The following KAT14 variants were observed in gnomAD, a reference collection of about 807,000 sequenced individuals.
KAT14 encodes the protein lysine acetyltransferase 14, also known as cysteine-rich protein 2-binding protein.
A neutral mutation model predicts 78.4 loss-of-function variants in KAT14; 66 were observed. That is an observed-to-expected ratio of 0.84 (90% CI 0.69 to 1.03). KAT14 has a LOEUF of 1.03. KAT14 is among the 50% of genes least tolerant of loss of function. KAT14 has a pLI of 0.00. For synonymous variants in KAT14, 344 were observed against 359.4 expected, an observed-to-expected ratio of 0.96 and a Z score of 0.48; for missense variants, 870 against 972.5, an observed-to-expected ratio of 0.89 and a Z score of 1.40.
At chr20:18,148,064 C>A (rs1236417162) in intron 3 of KAT14, among the ~76,000 whole-genome samples, 2 of 152,216 alleles carry the variant, frequency 1.3e-5, no homozygotes, top group African/African-American at 2.4e-5. Context: ...CCATCTCTCA[C>A]TGAAGACCTG....
Position 18,162,985 on chromosome 20 carries a change from A to C in KAT14, c.1668+40A>C, listed in dbSNP as rs1240784685. The C allele has an allele frequency of 3.1e-6, 5 of 1,595,154 alleles. No individual in the cohort carries two copies. In the African/African-American group the frequency reaches 6.7e-5, roughly 21 times the overall value. On this transcript the variant is annotated intron_variant, in intron 7 of 10. Transcript: ENST00000688188. ...TTGCTGTAAAGCCCTTGGGGGCAGG[A>C]GTGGAGGTGGGGCAGGCAGCACTAG...
At position 18,187,708 on chromosome 20, in the gene KAT14, A is replaced by G. The variant is rs1473133465; in HGVS notation, c.*249A>G. 5 of 502,664 alleles carry G rather than the reference A, an allele frequency of 9.9e-6. No homozygotes were observed. Among genetic ancestry groups the G allele is most frequent in the Admixed American group, 4.2e-5 (1 of 23,804 alleles). The allele number at this position is 502,664 out of a possible 1,614,324, so 31.1% of individuals were successfully genotyped here. On this transcript the variant is annotated 3_prime_UTR_variant, in exon 11 of 11. Coordinates refer to ENST00000688188, the MANE Select transcript of KAT14 (RefSeq NM_001392073.1). ...TCCCAGACTCCACAGTTATTTATGA[A>G]TGATGTCGTGATTCTCCCTCCACCT...
In KAT14 at chr20:18,187,379, G is replaced by A; in HGVS notation, c.2266G>A (p.Val756Ile). 1 of 1,614,212 alleles carries A rather than the reference G, an allele frequency of 6.2e-7. No homozygotes were observed. Among genetic ancestry groups the A allele is most frequent in the Non-Finnish European group, 8.5e-7 (1 of 1,180,042 alleles). ...QKFGFKTEEY[V>I]LDFYDKYYPL... Reference sequence around the variant, plus strand: ...GTTTGGATTCAAGACTGAAGAATATGTATTAGATTTCTATGATAAATATTA... The same window carrying A: ...GTTTGGATTCAAGACTGAAGAATATATATTAGATTTCTATGATAAATATTA... The change falls in exon 11 of 11, where the codon GTA becomes ATA. Residue 756 changes from valine to isoleucine, a missense_variant. Val to Ile is a conservative substitution (Grantham distance 29). Transcript: ENST00000688188.
chr20:18,174,788 G>A (rs1378870151), intron 7 of KAT14, among the ~76,000 whole-genome samples: 2 of 150,952 alleles, frequency 1.3e-5, no homozygotes, highest in African/African-American at 4.9e-5. Flanking sequence ...CTCAGCCACC[G>A]AAGTAGCTGG....
At position 18,187,685 on chromosome 20, in the gene KAT14, C is replaced by A; in HGVS notation, c.*226C>A. The A allele has an allele frequency of 1.8e-6, 1 of 550,262 alleles. No homozygotes were observed. The highest frequency in any genetic ancestry group is 3.1e-6 in the Non-Finnish European group (1 of 324,762). 34.1% of individuals were successfully genotyped at this position (550,262 alleles called of 1,614,324 possible). Reference sequence around the variant, plus strand: ...CCTGGAGATGCCTTCAGCCAGCATCCCAGACTCCACAGTTATTTATGAATG... The same window carrying A: ...CCTGGAGATGCCTTCAGCCAGCATCACAGACTCCACAGTTATTTATGAATG... On this transcript the variant is annotated 3_prime_UTR_variant, in exon 11 of 11. Coordinates refer to ENST00000688188, the MANE Select transcript of KAT14 (RefSeq NM_001392073.1).
At chr20:18,146,740 G>A (rs2037842345) in intron 3 of KAT14, among the ~76,000 whole-genome samples, 1 of 152,074 alleles carries the variant, frequency 6.6e-6, no homozygotes, top group South Asian at 2.1e-4. Flanking sequence ...AGCTTCTCAG[G>A]AGACTGATGT....
intron 9 of KAT14, among the ~76,000 whole-genome samples, chr20:18,184,283 A>G (rs2039372774): frequency 6.6e-6 from 1 of 152,182 alleles, no homozygotes; most frequent in African/African-American, 2.4e-5. Context: ...TCTCTGAGAC[A>G]TTTTGAAATG....
In KAT14 at chr20:18,142,396, T is replaced by TTG. The variant is rs778556571; in HGVS notation, c.-253_-252dup. On this transcript the variant is annotated 5_prime_UTR_variant, in exon 2 of 11. Transcript: ENST00000688188. ...TATCTGTTGGACAGACAACACGAGT[T>TTG]TGTGTGTGTGTGTTGATGGAGAGTA... The TTG allele has an allele frequency of 4.0e-6, 6 of 1,481,628 alleles. No homozygotes were observed. Among genetic ancestry groups the TTG allele is most frequent in the Admixed American group, 2.1e-5 (1 of 48,490 alleles). 91.8% of individuals were successfully genotyped at this position (1,481,628 alleles called of 1,614,324 possible). A position where few individuals can be genotyped will look rare whatever the true frequency, so the allele number is the denominator to read the frequency against.
At chr20:18,176,651 T>C (rs1431168631) in intron 7 of KAT14, among the ~76,000 whole-genome samples, 1 of 152,004 alleles carries the variant, frequency 6.6e-6, no homozygotes, top group African/African-American at 2.4e-5. Flanking sequence ...AGGAGTTGGG[T>C]TGGTGTATGT....
rs1040226301 is a variant in KAT14, at chr20:18,138,364, A to G, written c.-454+313A>G. On this transcript the variant is annotated intron_variant, in intron 1 of 10. Coordinates refer to ENST00000688188, the MANE Select transcript of KAT14 (RefSeq NM_001392073.1). ...CGGCACGCAAGCTTTTGGGGTGCCCAGTGGCTCTGTTTTCAAGTCACAGCC... is the reference window on the plus strand; with the variant it reads ...CGGCACGCAAGCTTTTGGGGTGCCCGGTGGCTCTGTTTTCAAGTCACAGCC... 4 of 1,073,740 alleles carry G rather than the reference A, an allele frequency of 3.7e-6. No individual in the cohort carries two copies. The Admixed American group carries it at 2.1e-4, about 57-fold the overall frequency. The allele number at this position is 1,073,740 out of a possible 1,614,324, so 66.5% of individuals were successfully genotyped here.
chr20:18,171,529 T>C (rs1568671545), intron 7 of KAT14, among the ~76,000 whole-genome samples: 1 of 152,206 alleles, frequency 6.6e-6, no homozygotes, highest in East Asian at 1.9e-4. Context: ...CAGCATCACA[T>C]GGCCAGGCAC....
In KAT14 at chr20:18,140,837, C is replaced by CA. The variant is rs1359692922; in HGVS notation, c.-453-1371_-453-1370insA. On this transcript the variant is annotated intron_variant, in intron 1 of 10. Coordinates refer to ENST00000688188, the MANE Select transcript of KAT14 (RefSeq NM_001392073.1). ...CCTTCTCAAAAAAAAAAAAAAAAAA[C>CA]CAATAAAACAAAACAAAAAAAACCC... Among the ~76,000 whole-genome samples, 11 of 125,204 alleles carry CA rather than the reference C, an allele frequency of 8.8e-5. No individual in the cohort carries two copies. In the Admixed American group the frequency reaches 9.2e-4, roughly 10 times the overall value. The allele number at this position is 125,204 out of a possible 152,430, so 82.1% of individuals were successfully genotyped here.
Position 18,137,939 on chromosome 20 carries a change from C to A in KAT14, c.-566C>A. 6.8e-7 allele frequency: 1 copy of A among 1,477,308 alleles called. No homozygotes were observed. The highest frequency in any genetic ancestry group is 2.4e-5 in the Admixed American group (1 of 41,140). 91.5% of individuals were successfully genotyped at this position (1,477,308 alleles called of 1,614,324 possible). A position where few individuals can be genotyped will look rare whatever the true frequency, so the allele number is the denominator to read the frequency against. On this transcript the variant is annotated 5_prime_UTR_variant, in exon 1 of 11. Coordinates refer to ENST00000688188, the MANE Select transcript of KAT14 (RefSeq NM_001392073.1). ...TCGGGCGGGCGGGAGAGAGAGGCCG[C>A]GGCCGCCAGCGTGGGGATGTCTAGG...
Position 18,142,405 on chromosome 20 carries a change from T to C in KAT14, c.-256T>C. On this transcript the variant is annotated 5_prime_UTR_variant, in exon 2 of 11. Transcript: ENST00000688188. The stretch of plus-strand genomic sequence containing the variant: ...GACAGACAACACGAGTTTGTGTGTG[T>C]GTGTTGATGGAGAGTAGCTTAGTAG... The C allele has an allele frequency of 2.6e-6, 4 of 1,517,430 alleles. No homozygotes were observed. The highest frequency in any genetic ancestry group is 3.5e-6 in the Non-Finnish European group (4 of 1,135,388). 94.0% of individuals were successfully genotyped at this position (1,517,430 alleles called of 1,614,324 possible).
chr20:18,157,846 T>C (rs2038278279), intron 4 of KAT14, among the ~76,000 whole-genome samples: 1 of 152,202 alleles, frequency 6.6e-6, no homozygotes, highest in South Asian at 2.1e-4. Context: ...ATTTTGTATT[T>C]ATTAGAGAGG....
Position 18,162,386 on chromosome 20 carries a change from A to G in KAT14, c.1109A>G (p.Glu370Gly), listed in dbSNP as rs1272963130. 6.2e-7 allele frequency: 1 copy of G among 1,611,770 alleles called. No individual in the cohort carries two copies. Among genetic ancestry groups the G allele is most frequent in the Admixed American group, 1.7e-5 (1 of 59,644 alleles). ...TTTGTACTCTGCACAGATGACGATG[A>G]GATGGAAGGCGATGGAGTCATAGAC... Reference protein sequence around the residue: ...PPQALFHDDDEMEGDGVIDPG... With the variant: ...PPQALFHDDDGMEGDGVIDPG... The change falls in exon 7 of 11, where the codon GAG becomes GGG. Residue 370 changes from glutamate to glycine, a missense_variant. Physicochemically the swap from Glu to Gly is moderately conservative, Grantham distance 98. Coordinates refer to ENST00000688188, the MANE Select transcript of KAT14 (RefSeq NM_001392073.1).
At chr20:18,153,245 CCTG>C (rs1312712286) in intron 4 of KAT14, among the ~76,000 whole-genome samples, 1 of 152,084 alleles carries the variant, frequency 6.6e-6, no homozygotes, top group Non-Finnish European at 1.5e-5. Flanking sequence ...AGGAGGGTGA[CCTG>C]CAGGCTGCTG....
rs141601159 is a variant in KAT14 at position 18,156,234 on chromosome 20, G to A, written c.501-2850G>A. Among the ~76,000 whole-genome samples the A allele has an allele frequency of 2.0e-4, 30 of 152,308 alleles. 1 individual carries two copies. The East Asian group carries it at 5.6e-3, about 28-fold the overall frequency. ...AGAATGGTGGTTGTCAGCACTTGGC[G>A]GGGAGGGTGGAATTGGGAGTTGTTT... On this transcript the variant is annotated intron_variant, in intron 4 of 10. Transcript: ENST00000688188.
chr20:18,172,282 A>G (rs898468238), intron 7 of KAT14, among the ~76,000 whole-genome samples: 1 of 151,766 alleles, frequency 6.6e-6, no homozygotes, highest in Non-Finnish European at 1.5e-5. Flanking sequence ...TTGTATTTTT[A>G]GTAGAGATGG....
Sources: allele counts gnomAD v4.1 joint callset (sites outside exome capture counted in the v4.1 genomes callset), GRCh38; gene constraint gnomAD v4.1.1; transcripts MANE v1.5; gene names NCBI Gene and HGNC (gene_info 2026-07-23, HGNC 2026-07-21).